GIGYF2: variants seen among roughly 807,000 people sequenced by gnomAD.
GIGYF2 encodes GRB10 interacting GYF protein 2.
A neutral mutation model predicts 208.1 loss-of-function variants in GIGYF2; 25 were observed. That is an observed-to-expected ratio of 0.12 (90% confidence interval 0.09 to 0.17). GIGYF2 has a LOEUF of 0.17. Among genes scored for constraint, GIGYF2 ranks in the 10% least tolerant of loss-of-function variants. GIGYF2 has a pLI of 1.00. For synonymous variants in GIGYF2, 534 were observed against 543.8 expected (o/e 0.98, Z 0.25); for missense variants, 1,302 against 1,579.4 (o/e 0.82, Z 2.98).
At chr2:232,753,808 G>T (rs1029139075) in intron 5 of GIGYF2, among the ~76,000 whole-genome samples, 2 of 152,136 alleles carry the variant, frequency 1.3e-5, no homozygotes, top group African/African-American at 4.8e-5. Context: ...TATGCTCCAT[G>T]TCTCTATATA....
In GIGYF2 at chr2:232,808,331, C is replaced by G. The variant is rs375154622; in HGVS notation, c.1807-1389C>G. Among the ~76,000 whole-genome samples, 12 of 152,204 alleles carry G rather than the reference C, an allele frequency of 7.9e-5. 1 individual carries two copies. The highest frequency in any genetic ancestry group is 6.5e-4 in the Admixed American group (10 of 15,274). ...CACATCTCAGAAGCTAAAAGCTCAT[C>G]TCTTGGATCTTGGCATACTTGGAGT... On this transcript the variant is annotated intron_variant, in intron 15 of 28. Transcript: ENST00000373563.
chr2:232,831,449 T>C (rs1701422922), intron 21 of GIGYF2, among the ~76,000 whole-genome samples: 1 of 152,228 alleles, frequency 6.6e-6, no homozygotes, highest in South Asian at 2.1e-4. Flanking sequence ...TGTGCTTGTT[T>C]TCTGGTGGAG....
rs1031376822 is a variant in GIGYF2 at position 232,729,272 on chromosome 2, A to G, written c.-43-5883A>G. 5.3e-5 allele frequency among the ~76,000 whole-genome samples: 8 copies of G among 152,176 alleles called. 1 individual carries two copies. Among genetic ancestry groups the G allele is most frequent in the African/African-American group, 1.7e-4 (7 of 41,442 alleles). ...TGAGATTACAGGTGTGAGGCACTGC[A>G]TCCGGCCTCCAGAGCTGTTTTCTAA... On this transcript the variant is annotated intron_variant, in intron 2 of 28. Coordinates refer to ENST00000373563, the MANE Select transcript of GIGYF2 (RefSeq NM_001103146.3).
Position 232,857,469 on chromosome 2 carries a change from G to A in GIGYF2, c.*609G>A, listed in dbSNP as rs1391801982. On this transcript the variant is annotated 3_prime_UTR_variant, in exon 29 of 29. Coordinates refer to ENST00000373563, the MANE Select transcript of GIGYF2 (RefSeq NM_001103146.3). ...GGTTGAGATGAGGTTGGTTTGGTTTGATGTTACACACTCCTCACCTGTTCT... is the reference window on the plus strand; with the variant it reads ...GGTTGAGATGAGGTTGGTTTGGTTTAATGTTACACACTCCTCACCTGTTCT... The A allele has an allele frequency of 6.1e-6, 1 of 163,060 alleles. No homozygotes were observed. The highest frequency in any genetic ancestry group is 2.4e-5 in the African/African-American group (1 of 41,516). The allele number at this position is 163,060 out of a possible 1,614,324, so 10.1% of individuals were successfully genotyped here.
chr2:232,713,717 G>T (rs956123175), intron 2 of GIGYF2, among the ~76,000 whole-genome samples: 18 of 152,086 alleles, frequency 1.2e-4, no homozygotes, highest in African/African-American at 3.9e-4. Context: ...CAAGTTTGAG[G>T]AGTACTAGTT....
chr2:232,809,858 T>G, intron 16 of GIGYF2, 47 bp downstream of exon 16: 1 of 1,051,042 alleles, frequency 9.5e-7, no homozygotes, highest in Non-Finnish European at 1.5e-6. Context: ...GAAAAAGGAC[T>G]TTAAATAGAA....
At chr2:232,767,051 A>C (rs933112110) in intron 8 of GIGYF2, 1 of 152,206 alleles carries the variant, frequency 6.6e-6, no homozygotes, top group Non-Finnish European at 1.5e-5. Context: ...TTTAGCATAG[A>C]TAAAATAAAA....
intron 26 of GIGYF2, among the ~76,000 whole-genome samples, chr2:232,846,527 C>A (rs2106427097): frequency 6.6e-6 from 1 of 152,320 alleles, no homozygotes; most frequent in Non-Finnish European, 1.5e-5. Flanking sequence ...GATACCCTGT[C>A]TAAAGCCAAG....
intron 28 of GIGYF2, among the ~76,000 whole-genome samples, chr2:232,852,936 G>T (rs1321870292): frequency 6.6e-6 from 1 of 152,140 alleles, no homozygotes; most frequent in East Asian, 1.9e-4. Flanking sequence ...CACTATAAGG[G>T]TGTGGGAGAT....
intron 13 of GIGYF2, among the ~76,000 whole-genome samples, chr2:232,795,701 C>T (rs1700202025): frequency 2.0e-5 from 3 of 151,992 alleles, no homozygotes; most frequent in Admixed American, 2.0e-4. Context: ...AGTTCAAGAA[C>T]AGTCTGGATA....
intron 27 of GIGYF2, among the ~76,000 whole-genome samples, chr2:232,849,689 G>T (rs1472001409): frequency 6.6e-6 from 1 of 152,164 alleles, no homozygotes; most frequent in Non-Finnish European, 1.5e-5. Context: ...TGGCTCATTG[G>T]CTAATAAGAG....
chr2:232,800,573 TTTC>T (rs1028956175), intron 14 of GIGYF2, among the ~76,000 whole-genome samples: 1 of 128,912 alleles, frequency 7.8e-6, no homozygotes, highest in African/African-American at 2.9e-5. Flanking sequence ...CAGCTTTGTT[TTTC>T]TTTTCTTTTT....
intron 8 of GIGYF2, among the ~76,000 whole-genome samples, chr2:232,761,874 A>T: frequency 6.7e-6 from 1 of 148,552 alleles, no homozygotes; most frequent in Non-Finnish European, 1.5e-5. Flanking sequence ...TTTTGTGATG[A>T]GAACAAAAAA....
chr2:232,729,384 G>C, intron 2 of GIGYF2: 1 of 359,908 alleles, frequency 2.8e-6, no homozygotes, highest in African/African-American at 2.1e-5. Flanking sequence ...GAATCATAAA[G>C]AAGAATGAGC....
chr2:232,780,172 C>T (rs182590639), intron 8 of GIGYF2, among the ~76,000 whole-genome samples: 14 of 152,264 alleles, frequency 9.2e-5, no homozygotes, highest in African/African-American at 2.9e-4. Flanking sequence ...TATTTTTGGC[C>T]GTGGGTCAAA....
intron 2 of GIGYF2, among the ~76,000 whole-genome samples, chr2:232,718,319 G>A (rs992456600): frequency 1.3e-5 from 2 of 152,042 alleles, no homozygotes; most frequent in Middle Eastern, 3.2e-3. Flanking sequence ...GGCTGGTCTC[G>A]AACTCCTGAC....
At chr2:232,761,578 A>G (rs1164531280) in intron 8 of GIGYF2, 142 bp downstream of exon 8, 1 of 622,090 alleles carries the variant, frequency 1.6e-6, no homozygotes. Context: ...ATGAAACCAG[A>G]GATGATGAAT....
chr2:232,841,841 T>G (rs1277760486), intron 23 of GIGYF2, among the ~76,000 whole-genome samples: 1 of 152,138 alleles, frequency 6.6e-6, no homozygotes, highest in Non-Finnish European at 1.5e-5. Flanking sequence ...CTTGAGTTCC[T>G]GTTATTTACA....
chr2:232,810,837 T>C (rs890153810), intron 16 of GIGYF2: 1 of 200,032 alleles, frequency 5.0e-6, no homozygotes, highest in African/African-American at 2.4e-5. Flanking sequence ...ATAGAAGTGT[T>C]ACATTTTTTA....
Sources: allele counts gnomAD v4.1 joint callset (sites outside exome capture counted in the v4.1 genomes callset), GRCh38; gene constraint gnomAD v4.1.1; transcripts MANE v1.5; gene names NCBI Gene and HGNC (gene_info 2026-07-23, HGNC 2026-07-21).